MYH2: variants seen among roughly 807,000 people sequenced by gnomAD.
MYH2 encodes the protein myosin-2.
In MYH2, 139 loss-of-function variants were observed where a neutral mutation model predicts 228.1. The ratio of observed to expected loss-of-function variants is 0.61; its 90% CI spans 0.53 to 0.70. The LOEUF is 0.70. MYH2 is among the 30% of genes least tolerant of loss of function. The pLI, the probability that MYH2 is intolerant of heterozygous loss-of-function variation, is 0.00. For synonymous variants in MYH2, 796 were observed against 871.1 expected (o/e 0.91, Z 1.52); for missense variants, 1,809 against 2,357.5 (o/e 0.77, Z 4.82).
Position 10,529,916 on chromosome 17 carries a change from T to C in MYH2, c.2856A>G (p.Glu952=), listed in dbSNP as rs1420173712. The C allele has an allele frequency of 6.2e-7, 1 of 1,612,850 alleles. No homozygotes were observed. Among genetic ancestry groups the C allele is most frequent in the Non-Finnish European group, 8.5e-7 (1 of 1,178,938 alleles). ...LTAKKRKLED[E]CSELKKDIDD... Reference sequence around the variant, plus strand: ...CAATGTCTTTCTTGAGTTCTGAACATTCATCCTCCAGTTTCCTCTTCTTGG... The same window carrying C: ...CAATGTCTTTCTTGAGTTCTGAACACTCATCCTCCAGTTTCCTCTTCTTGG... Residue 952 remains glutamate (E), a synonymous_variant, in exon 23 of 40, where the codon GAA becomes GAG. Coordinates refer to ENST00000245503, the MANE Select transcript of MYH2 (RefSeq NM_017534.6).
At chr17:10,536,878 A>G (rs142066589) in intron 16 of MYH2, among the ~76,000 whole-genome samples, 3 of 152,244 alleles carry the variant, frequency 2.0e-5, no homozygotes, top group East Asian at 1.9e-4. Flanking sequence ...TTCAAAAATC[A>G]TCAATAGAAG....
At position 10,531,893 on chromosome 17, in the gene MYH2, A is replaced by G. The variant is rs779642253; in HGVS notation, c.2442-5T>C. ...TGGATACAGAAGATGGCCTCCCTGA[A>G]ATTTAATTGATGCAAATTAGTATTG... On this transcript the variant is annotated splice_polypyrimidine_tract_variant and splice_region_variant and intron_variant, in intron 21 of 39. Transcript: ENST00000245503. 6.2e-7 allele frequency: 1 copy of G among 1,614,014 alleles called. No individual in the cohort carries two copies. The highest frequency in any genetic ancestry group is 1.1e-5 in the South Asian group (1 of 91,084).
chr17:10,528,635 A>G (rs1597450402), intron 27 of MYH2, 55 bp downstream of exon 27: 2 of 1,613,218 alleles, frequency 1.2e-6, no homozygotes, highest in East Asian at 2.2e-5. Context: ...TGTGCAAACT[A>G]TGATGTGTCC....
In MYH2 at chr17:10,549,365, C is replaced by T. The variant is rs1300379840; in HGVS notation, c.-21+10G>A. 6.6e-6 allele frequency: 1 copy of T among 152,572 alleles called. No homozygotes were observed. The highest frequency in any genetic ancestry group is 2.4e-5 in the African/African-American group (1 of 41,410). The allele number at this position is 152,572 out of a possible 1,614,324, so 9.5% of individuals were successfully genotyped here. On this transcript the variant is annotated intron_variant, in intron 2 of 39. Transcript: ENST00000245503. ...ATTCTCCTCCAGGAACTGGTTAGTC[C>T]AAATCTTACCTTGTTAGCAAGTGAG...
At chr17:10,543,239 G>A (rs2073581226) in intron 8 of MYH2, 78 bp from the exon 9 acceptor site, 5 of 1,090,822 alleles carry the variant, frequency 4.6e-6, no homozygotes, top group Non-Finnish European at 6.8e-6. Flanking sequence ...ATTTGATGCT[G>A]GTACTTTAAT....
intron 19 of MYH2, among the ~76,000 whole-genome samples, chr17:10,533,950 T>G (rs2142306351): frequency 6.6e-6 from 1 of 152,370 alleles, no homozygotes; most frequent in African/African-American, 2.4e-5. Flanking sequence ...ATGCATTTGC[T>G]TTTTAAGGCC....
Position 10,524,397 on chromosome 17 carries a change from A to G in MYH2, c.5175+69T>C. On this transcript the variant is annotated intron_variant, in intron 35 of 39. Transcript: ENST00000245503. The surrounding 1 kb of genome is among the most constrained non-coding windows in gnomAD (Gnocchi z 4.7). ...ACATATTAGGTCTAGCTGTCTTATG[A>G]AAACTCAGGCTTATCTATTCTGGGA... 2 of 1,601,188 alleles carry G rather than the reference A, an allele frequency of 1.2e-6. No homozygotes were observed. The highest frequency in any genetic ancestry group is 8.6e-7 in the Non-Finnish European group (1 of 1,168,322).
At chr17:10,540,470 A>G in intron 11 of MYH2, 124 bp downstream of exon 11, 1 of 836,792 alleles carries the variant, frequency 1.2e-6, no homozygotes, top group Non-Finnish European at 2.0e-6. Flanking sequence ...TTTGACTCCA[A>G]GGGGCATGTC....
At position 10,529,150 on chromosome 17, in the gene MYH2, T is replaced by C. The variant is rs1567729904; in HGVS notation, c.3354+12A>G. On this transcript the variant is annotated intron_variant, in intron 26 of 39. Coordinates refer to ENST00000245503, the MANE Select transcript of MYH2 (RefSeq NM_017534.6). ...TGCCTCCGAGCCAGACTGATGAAAATCATGTACTTACTTGCAATTCTTTAA... is the reference window on the plus strand; with the variant it reads ...TGCCTCCGAGCCAGACTGATGAAAACCATGTACTTACTTGCAATTCTTTAA... 2 of 1,614,200 alleles carry C rather than the reference T, an allele frequency of 1.2e-6. No homozygotes were observed. The highest frequency in any genetic ancestry group is 1.7e-6 in the Non-Finnish European group (2 of 1,180,038).
At chr17:10,546,256 G>GAGATAT (rs1555572149) in intron 4 of MYH2, among the ~76,000 whole-genome samples, 3 of 66,102 alleles carry the variant, frequency 4.5e-5, no homozygotes, top group Non-Finnish European at 7.6e-5. Flanking sequence ...GACACGAAAT[G>GAGATAT]ATATATATAT....
At chr17:10,540,800 G>C in intron 10 of MYH2, 103 bp from the exon 11 acceptor site, 1 of 993,642 alleles carries the variant, frequency 1.0e-6, no homozygotes, top group Non-Finnish European at 1.5e-6. Context: ...TGGGAACTCA[G>C]GGACCCCAAA....
chr17:10,524,658 G>A lies in MYH2; in HGVS notation c.4983C>T (p.Ile1661=). Residue 1661 remains isoleucine (I), a synonymous_variant, in exon 35 of 40, where the codon ATC becomes ATT. Coordinates refer to ENST00000245503, the MANE Select transcript of MYH2 (RefSeq NM_017534.6). This position sits in a 1 kb window ranked among gnomAD's most constrained non-coding sequence, Gnocchi z 4.7. ...NTQGILKDTQ[I]HLDDALRSQE... ...GGCTCCGGAGAGCATCATCCAGGTG[G>A]ATCTGGGTATCCTGTGAAACAAACC... 1.2e-6 allele frequency: 2 copies of A among 1,614,226 alleles called. No individual in the cohort carries two copies. The highest frequency in any genetic ancestry group is 1.7e-6 in the Non-Finnish European group (2 of 1,180,040).
intron 2 of MYH2, 21 bp from the exon 3 acceptor site, chr17:10,547,961 A>T: frequency 6.3e-7 from 1 of 1,595,080 alleles, no homozygotes; most frequent in Non-Finnish European, 8.6e-7. Context: ...TAAAACTTTC[A>T]CATTAGAGAG....
chr17:10,548,822 T>C (rs1426681166), intron 2 of MYH2, among the ~76,000 whole-genome samples: 4 of 152,184 alleles, frequency 2.6e-5, no homozygotes, highest in Non-Finnish European at 5.9e-5. Context: ...ACCGCAGTCA[T>C]TACATGATCA....
intron 3 of MYH2, 47 bp from the exon 4 acceptor site, chr17:10,547,665 C>A (rs1426953296): frequency 6.2e-7 from 1 of 1,613,848 alleles, no homozygotes; most frequent in Non-Finnish European, 8.5e-7. Flanking sequence ...AGTGACCAAA[C>A]AACAACAACA....
At position 10,524,736 on chromosome 17, in the gene MYH2, C is replaced by T. The variant is rs1405412884; in HGVS notation, c.4971+21G>A. 6.8e-6 allele frequency: 11 copies of T among 1,614,222 alleles called. No homozygotes were observed. In the East Asian group the frequency reaches 2.2e-4, roughly 33 times the overall value. ...TGCAGGCACCCCAATAGTCCTGGGA[C>T]CATCTCTTGGACATATTTACCTTGA... is the stretch of plus-strand genomic sequence containing the variant. On this transcript the variant is annotated intron_variant, in intron 34 of 39. Coordinates refer to ENST00000245503, the MANE Select transcript of MYH2 (RefSeq NM_017534.6). This position sits in a 1 kb window ranked among gnomAD's most constrained non-coding sequence, Gnocchi z 4.7.
At chr17:10,521,453 G>T (rs1339142049) in intron 39 of MYH2, 21 bp from the exon 40 acceptor site, 2 of 1,613,006 alleles carry the variant, frequency 1.2e-6, no homozygotes, top group Non-Finnish European at 1.7e-6. Flanking sequence ...AAATGGAATT[G>T]TAAGGAACTC....
rs1567728182 is a variant in MYH2, at chr17:10,525,856, A to T, written c.4208T>A (p.Leu1403Gln). Residue 1403 changes from leucine (L) to glutamine (Q), a missense_variant, in exon 31 of 40, where the codon CTG becomes CAG. Transcript: ENST00000245503. This position sits in a 1 kb window ranked among gnomAD's most constrained non-coding sequence, Gnocchi z 4.2. ...EEAKKKLAQR[L>Q]QAAEEHVEAV... ...TTCTACATGTTCCTCAGCTGCCTGC[A>T]GCCGCTGGGCCAGCTTCTTCCTTGA... The T allele has an allele frequency of 6.2e-7, 1 of 1,614,210 alleles. No homozygotes were observed. The highest frequency in any genetic ancestry group is 1.7e-5 in the Admixed American group (1 of 60,022).
In MYH2 at chr17:10,547,981, C is replaced by T. The variant is rs192920835; in HGVS notation, c.-20-41G>A. 4.6e-3 allele frequency: 6,928 copies of T among 1,498,534 alleles called. 21 individuals carry two copies. The highest frequency in any genetic ancestry group is 0.013 in the Middle Eastern group (66 of 5,096). 92.8% of individuals were successfully genotyped at this position (1,498,534 alleles called of 1,614,324 possible). On this transcript the variant is annotated intron_variant, in intron 2 of 39. Coordinates refer to ENST00000245503, the MANE Select transcript of MYH2 (RefSeq NM_017534.6). ...CTTTCACATTAGAGAGTCTGGATTGCCATGTATACCAATAAATCTTAATAT... is the reference window on the plus strand; with the variant it reads ...CTTTCACATTAGAGAGTCTGGATTGTCATGTATACCAATAAATCTTAATAT...
Sources: allele counts gnomAD v4.1 joint callset (sites outside exome capture counted in the v4.1 genomes callset), GRCh38; gene constraint gnomAD v4.1.1; non-coding constraint Gnocchi (gnomAD v3.1); transcripts MANE v1.5; gene names NCBI Gene and HGNC (gene_info 2026-07-23, HGNC 2026-07-21).